The following PDE8B variants were observed in gnomAD, a reference collection of about 807,000 sequenced individuals.
PDE8B encodes the protein high affinity cAMP-specific and IBMX-insensitive 3',5'-cyclic phosphodiesterase 8B.
Under a neutral mutation model 101.3 loss-of-function variants are expected in PDE8B, and 26 were observed. The observed-to-expected ratio is 0.26, with a 90% CI of 0.19 to 0.36. The LOEUF (loss-of-function observed/expected upper bound fraction) is 0.36, where lower values mean the gene tolerates loss of function less well. PDE8B is among the 10% of genes least tolerant of loss of function. The pLI is 1.00. For missense variants in PDE8B, 810 were observed against 1,163.1 expected (o/e 0.70, Z 4.42); for synonymous variants, 424 against 429.3 (o/e 0.99, Z 0.15).
chr5:77,179,342 G>A, the PDE8B span, among the ~76,000 whole-genome samples: 309 of 152,306 alleles, frequency 2.0e-3, 1 homozygote, highest in African/African-American at 6.6e-3. Context: ...ACAGATTGTT[G>A]TTGGTCTTGG....
chr5:77,335,118 G>C (rs565890203), intron 5 of PDE8B, among the ~76,000 whole-genome samples: 1 of 152,244 alleles, frequency 6.6e-6, no homozygotes, highest in East Asian at 1.9e-4. Flanking sequence ...TATGCCACCA[G>C]CCTTTCAGAT....
chr5:77,225,848 GCACACACACA>G (rs3087185), intron 1 of PDE8B, among the ~76,000 whole-genome samples: 37 of 144,326 alleles, frequency 2.6e-4, no homozygotes, highest in Admixed American at 5.7e-4. Flanking sequence ...ACATGCGCGT[GCACACACACA>G]CACACACACA....
At chr5:77,406,199 C>T (rs778976258) in intron 12 of PDE8B, among the ~76,000 whole-genome samples, 3 of 152,106 alleles carry the variant, frequency 2.0e-5, no homozygotes, top group Non-Finnish European at 2.9e-5. Context: ...GCATGGGATT[C>T]GCTTGAACCC....
intron 1 of PDE8B, among the ~76,000 whole-genome samples, chr5:77,281,499 T>G (rs936967890): frequency 2.0e-5 from 3 of 152,236 alleles, no homozygotes; most frequent in African/African-American, 7.2e-5. Flanking sequence ...CACTCTTGCC[T>G]CTTCCCAGCT....
At chr5:77,329,156 G>A in intron 4 of PDE8B, 99 bp downstream of exon 4, 1 of 887,332 alleles carries the variant, frequency 1.1e-6, no homozygotes, top group Non-Finnish European at 1.9e-6. Context: ...CAATGGGTGT[G>A]TCTTGGGTCC....
At chr5:77,087,336 G>A in the PDE8B span, 3 of 152,352 alleles carry the variant, frequency 2.0e-5, no homozygotes, top group African/African-American at 7.2e-5. Context: ...GCCAAGGATC[G>A]CGAGCGACAG....
At chr5:77,339,621 T>C (rs1778846005) in intron 6 of PDE8B, among the ~76,000 whole-genome samples, 2 of 152,218 alleles carry the variant, frequency 1.3e-5, no homozygotes, top group African/African-American at 2.4e-5. Flanking sequence ...CTATCATTTG[T>C]TGCAGACTGG....
At chr5:77,413,995 T>C (rs566235256) in intron 17 of PDE8B, among the ~76,000 whole-genome samples, 1 of 152,292 alleles carries the variant, frequency 6.6e-6, no homozygotes, top group African/African-American at 2.4e-5. Flanking sequence ...TTATACATTC[T>C]TTTGCTACAA....
chr5:77,368,237 C>T (rs913984764), intron 10 of PDE8B, among the ~76,000 whole-genome samples: 5 of 152,192 alleles, frequency 3.3e-5, no homozygotes, highest in South Asian at 4.1e-4. Context: ...ATCCTGCACC[C>T]CCTTCCAGAT....
At chr5:77,189,213 T>G in the PDE8B span, among the ~76,000 whole-genome samples, 1 of 152,186 alleles carries the variant, frequency 6.6e-6, no homozygotes, top group Non-Finnish European at 1.5e-5. Flanking sequence ...TTGTCATCCT[T>G]AAAGGACATA....
chr5:77,427,527 A>AG lies in PDE8B; in HGVS notation c.*977dup, dbSNP rs1244644324. ...TATACGTAATATTTTGGGAGGGGAT[A>AG]GGGGAAGTTTCAAGGTTCAGATATT... On this transcript the variant is annotated 3_prime_UTR_variant, in exon 22 of 22. Coordinates refer to ENST00000264917, the MANE Select transcript of PDE8B (RefSeq NM_003719.5). 1.3e-5 allele frequency: 2 copies of AG among 152,184 alleles called. No homozygotes were observed. Among genetic ancestry groups the AG allele is most frequent in the African/African-American group, 2.4e-5 (1 of 41,438 alleles). 9.4% of individuals were successfully genotyped at this position (152,184 alleles called of 1,614,324 possible).
the PDE8B span, among the ~76,000 whole-genome samples, chr5:77,127,974 G>A: frequency 6.6e-6 from 1 of 152,266 alleles, no homozygotes; most frequent in Non-Finnish European, 1.5e-5. Context: ...TATTCCCTGT[G>A]CCTGCAGGAG....
In PDE8B at chr5:77,419,872, G is replaced by A. The variant is rs774632534; in HGVS notation, c.2235G>A (p.Lys745=). The change falls in exon 19 of 22, where the codon AAG becomes AAA. Residue 745 remains lysine (K), a synonymous_variant. Coordinates refer to ENST00000264917, the MANE Select transcript of PDE8B (RefSeq NM_003719.5). ...HVNKFVNSIN[K]PMAAEIEGSD... The stretch of plus-strand genomic sequence containing the variant: ...ATAAGTTTGTGAACAGCATCAACAA[G>A]CCAATGGCAGCTGAGGTGAGTACTG... 26 of 1,614,058 alleles carry A rather than the reference G, an allele frequency of 1.6e-5. No individual in the cohort carries two copies. The Admixed American group carries it at 3.7e-4, about 23-fold the overall frequency.
chr5:77,106,630 TA>T, the PDE8B span, among the ~76,000 whole-genome samples: 1 of 152,128 alleles, frequency 6.6e-6, no homozygotes, highest in African/African-American at 2.4e-5. Context: ...TCAAGTTTTT[TA>T]AAAAAATCTG....
intron 1 of PDE8B, among the ~76,000 whole-genome samples, chr5:77,249,621 G>A (rs1757650218): frequency 6.6e-6 from 1 of 152,222 alleles, no homozygotes; most frequent in African/African-American, 2.4e-5. Context: ...CTGAAGTAAT[G>A]GATGTCTCAA....
At chr5:77,215,968 A>C (rs989886835) in intron 1 of PDE8B, among the ~76,000 whole-genome samples, 5 of 152,144 alleles carry the variant, frequency 3.3e-5, no homozygotes, top group African/African-American at 9.7e-5. Flanking sequence ...CTTACTTTCT[A>C]TTCTATTCAG....
At chr5:77,193,498 T>C in the PDE8B span, among the ~76,000 whole-genome samples, 6 of 152,336 alleles carry the variant, frequency 3.9e-5, no homozygotes, top group Middle Eastern at 3.4e-3. Context: ...TGCGTGGGTC[T>C]GTATCTGGAC....
chr5:77,132,632 T>A, the PDE8B span, among the ~76,000 whole-genome samples: 3 of 152,226 alleles, frequency 2.0e-5, no homozygotes, highest in African/African-American at 7.2e-5. Context: ...GAGCCCTCCA[T>A]CCCTCTGCTC....
chr5:77,329,133 T>A, intron 4 of PDE8B, 76 bp downstream of exon 4: 2 of 1,208,854 alleles, frequency 1.7e-6, no homozygotes, highest in East Asian at 4.7e-5. Context: ...ATCTGGTTTT[T>A]GAGCTATCTA....
Sources: allele counts gnomAD v4.1 joint callset (sites outside exome capture counted in the v4.1 genomes callset), GRCh38; gene constraint gnomAD v4.1.1; transcripts MANE v1.5; gene names NCBI Gene and HGNC (gene_info 2026-07-23, HGNC 2026-07-21).